The following PAK1IP1 variants were observed in gnomAD, a reference collection of about 807,000 sequenced individuals.
PAK1IP1 encodes PAK1 interacting protein 1, also known as p21-activated protein kinase-interacting protein 1.
In PAK1IP1, 24 loss-of-function variants were observed where a neutral mutation model predicts 42.0. The ratio of observed to expected loss-of-function variants is 0.57; its 90% CI spans 0.41 to 0.80. The LOEUF (loss-of-function observed/expected upper bound fraction) is 0.80, where lower values mean the gene tolerates loss of function less well. PAK1IP1 is among the 30% of genes least tolerant of loss of function. The pLI, the probability that PAK1IP1 is intolerant of heterozygous loss-of-function variation, is 0.00. For missense variants in PAK1IP1, 411 were observed against 467.9 expected, an observed-to-expected ratio of 0.88 and a Z score of 1.12; for synonymous variants, 154 against 156.7, an observed-to-expected ratio of 0.98 and a Z score of 0.13.
chr6:10,695,010 G>C lies in PAK1IP1; in HGVS notation c.25G>C (p.Glu9Gln), dbSNP rs371781516. The C allele has an allele frequency of 1.2e-6, 2 of 1,601,286 alleles. No individual in the cohort carries two copies. Among genetic ancestry groups the C allele is most frequent in the Admixed American group, 3.3e-5 (2 of 59,814 alleles). The change falls in exon 1 of 10, where the codon GAG (glutamate) becomes CAG (glutamine). Residue 9 changes from glutamate (E) to glutamine (Q), a missense_variant. Physicochemically the swap from Glu to Gln is conservative, Grantham distance 29 (BLOSUM62 2). Transcript: ENST00000379568. ...AATGGAGCTGGTCGCTGGTTGCTAC[G>C]AGCAGGTCCTCTTTGGGTTCGCTGT... MELVAGCY[E>Q]QVLFGFAVHP...
rs1770311469 is a variant in PAK1IP1, at chr6:10,709,392, GA to G, written c.1123del (p.Met375TrpfsTer2). ...ESGLISTKKR[K>X]MVEMLEKKRK... is the part of the protein sequence containing the mutation. Reference sequence around the variant, plus strand: ...GTGGCCTGATATCAACCAAGAAGAGGAAAATGGTAGAAATGTTGGAAAAGAA... The same window carrying G: ...GTGGCCTGATATCAACCAAGAAGAGGAAATGGTAGAAATGTTGGAAAAGAA... On this transcript the variant is annotated frameshift_variant, in exon 10 of 10. Coordinates refer to ENST00000379568, the MANE Select transcript of PAK1IP1 (RefSeq NM_017906.3). LOFTEE classifies it low-confidence loss of function (END_TRUNC). 1 of 1,612,690 alleles carries G rather than the reference GA, an allele frequency of 6.2e-7. No homozygotes were observed. Among genetic ancestry groups the G allele is most frequent in the Non-Finnish European group, 8.5e-7 (1 of 1,179,456 alleles).
At chr6:10,706,192 G>A (rs1046752675) in intron 7 of PAK1IP1, among the ~76,000 whole-genome samples, 1 of 151,996 alleles carries the variant, frequency 6.6e-6, no homozygotes, top group Non-Finnish European at 1.5e-5. Flanking sequence ...GATGATGAGG[G>A]AAGAAGATGT....
rs1235951252 is a variant in PAK1IP1, at chr6:10,704,630, T to A, written c.620T>A (p.Ile207Asn). Residue 207 changes from isoleucine (I) to asparagine (N), a missense_variant, in exon 6 of 10, where the codon ATT becomes AAT. Coordinates refer to ENST00000379568, the MANE Select transcript of PAK1IP1 (RefSeq NM_017906.3). ...GGCACCATCACAAATGAAAAGAGAA[T>A]TTCCTCTGTTAAATTTCTTTCAGTA... ...ISGTITNEKRISSVKFLSESV... is the reference protein window; with the variant it reads ...ISGTITNEKRNSSVKFLSESV... 6.2e-7 allele frequency: 1 copy of A among 1,612,140 alleles called. No individual in the cohort carries two copies. The highest frequency in any genetic ancestry group is 8.5e-7 in the Non-Finnish European group (1 of 1,178,772).
upstream of PAK1IP1, among the ~76,000 whole-genome samples, chr6:10,693,953 T>C (rs1769597936): frequency 2.0e-5 from 3 of 152,234 alleles, no homozygotes; most frequent in South Asian, 6.2e-4. Context: ...CACTTTGTTT[T>C]CCCAACTCTC....
At chr6:10,708,714 A>G (rs1156806914) in intron 8 of PAK1IP1, among the ~76,000 whole-genome samples, 2 of 150,630 alleles carry the variant, frequency 1.3e-5, no homozygotes, top group Non-Finnish European at 3.0e-5. Flanking sequence ...CTGGTGTGTG[A>G]TGTTCCCCTT....
At chr6:10,699,272 T>C (rs1359444045) in intron 2 of PAK1IP1, among the ~76,000 whole-genome samples, 1 of 141,826 alleles carries the variant, frequency 7.1e-6, no homozygotes, top group Non-Finnish European at 1.5e-5. Context: ...ATCTCTGAAA[T>C]ACAAAAGCAG....
intron 7 of PAK1IP1, 92 bp downstream of exon 7, chr6:10,704,936 C>T (rs1303500177): frequency 1.3e-6 from 1 of 791,440 alleles, no homozygotes; most frequent in African/African-American, 1.7e-5. Flanking sequence ...TTTTTATTAA[C>T]AACTGCAGAA....
chr6:10,691,643 G>A (rs1482054136), upstream of PAK1IP1, among the ~76,000 whole-genome samples: 1 of 151,860 alleles, frequency 6.6e-6, no homozygotes, highest in Non-Finnish European at 1.5e-5. Context: ...ACAATATGAG[G>A]GGTGGTCTCC....
At chr6:10,699,199 T>TA (rs1561891117) in intron 2 of PAK1IP1, among the ~76,000 whole-genome samples, 10 of 71,220 alleles carry the variant, frequency 1.4e-4, no homozygotes, top group East Asian at 1.1e-3. Context: ...AGACTCTGTC[T>TA]CAAAAAAAAA....
chr6:10,709,610 A>AAAG lies in PAK1IP1; in HGVS notation c.*160_*161insGAA, dbSNP rs1770321984. The AAAG allele has an allele frequency of 4.7e-6, 2 of 430,030 alleles. No homozygotes were observed. Among genetic ancestry groups the AAAG allele is most frequent in the African/African-American group, 4.3e-5 (2 of 46,672 alleles). The allele number at this position is 430,030 out of a possible 1,614,324, so 26.6% of individuals were successfully genotyped here. On this transcript the variant is annotated 3_prime_UTR_variant, in exon 10 of 10. Transcript: ENST00000379568. The stretch of plus-strand genomic sequence containing the variant: ...CTTTTAGATGGTTTTTTTTAAAAAA[A>AAAG]AAAAAAAAACTGGTAAAATTACTTT...
intron 8 of PAK1IP1, 25 bp downstream of exon 8, chr6:10,707,539 T>G: frequency 7.5e-7 from 1 of 1,328,922 alleles, no homozygotes; most frequent in Non-Finnish European, 1.1e-6. Context: ...ACAATCTAAA[T>G]GTACTTTAAT....
chr6:10,692,163 TTTAA>T (rs1322395841), upstream of PAK1IP1, among the ~76,000 whole-genome samples: 1 of 152,212 alleles, frequency 6.6e-6, no homozygotes, highest in African/African-American at 2.4e-5. Flanking sequence ...TTTAGCGGTT[TTTAA>T]TTTGTGGATG....
At position 10,697,337 on chromosome 6, in the gene PAK1IP1, T is replaced by A. The variant is rs1381378465; in HGVS notation, c.98T>A (p.Val33Glu). The change falls in exon 2 of 10, where the codon GTG becomes GAG. Residue 33 changes from valine (V) to glutamate (E), a missense_variant. Val to Glu is a moderately radical substitution (Grantham distance 121, BLOSUM62 -2). Coordinates refer to ENST00000379568, the MANE Select transcript of PAK1IP1 (RefSeq NM_017906.3). Reference sequence around the variant, plus strand: ...CATCTTCAGCAGCAATGGACTCTTGTGGCTGACTTCACTCACCATGCTCAC... The same window carrying A: ...CATCTTCAGCAGCAATGGACTCTTGAGGCTGACTTCACTCACCATGCTCAC... The part of the protein sequence containing the change: ...ACGDHEQWTL[V>E]ADFTHHAHTA... 2 of 1,613,744 alleles carry A rather than the reference T, an allele frequency of 1.2e-6. No individual in the cohort carries two copies. Among genetic ancestry groups the A allele is most frequent in the African/African-American group, 2.7e-5 (2 of 74,922 alleles).
rs1770297983 is a variant in PAK1IP1 at position 10,709,049 on chromosome 6, C to T, written c.937C>T (p.Leu313Phe). The T allele has an allele frequency of 6.2e-7, 1 of 1,613,426 alleles. No homozygotes were observed. The highest frequency in any genetic ancestry group is 1.3e-5 in the African/African-American group (1 of 74,910). The change falls in exon 9 of 10, where the codon CTT becomes TTT. Residue 313 changes from leucine to phenylalanine, a missense_variant. Leu to Phe is a conservative substitution (Grantham distance 22). Coordinates refer to ENST00000379568, the MANE Select transcript of PAK1IP1 (RefSeq NM_017906.3). ...CAAAGTGGCAGACATGAAAGAAAGCCTTCCTCCAGCTGCAGAGCCTTCTCC... is the reference window on the plus strand; with the variant it reads ...CAAAGTGGCAGACATGAAAGAAAGCTTTCCTCCAGCTGCAGAGCCTTCTCC... Reference protein sequence around the residue: ...LDKVADMKESLPPAAEPSPVS... With the variant: ...LDKVADMKESFPPAAEPSPVS...
At position 10,704,825 on chromosome 6, in the gene PAK1IP1, T is replaced by G; in HGVS notation, c.721T>G (p.Phe241Val). 6.2e-7 allele frequency: 1 copy of G among 1,610,702 alleles called. No homozygotes were observed. Among genetic ancestry groups the G allele is most frequent in the Non-Finnish European group, 8.5e-7 (1 of 1,176,820 alleles). ...TGATTCACTAGTGTGCCTCTGCGAA[T>G]TTAAAGCTCATGAAAACAGGTATTT... Reference protein sequence around the residue: ...DCDSLVCLCEFKAHENRVKDM... With the variant: ...DCDSLVCLCEVKAHENRVKDM... Residue 241 changes from phenylalanine to valine, a missense_variant, in exon 7 of 10, where the codon TTT becomes GTT. Transcript: ENST00000379568.
intron 1 of PAK1IP1, 57 bp downstream of exon 1, chr6:10,695,126 G>C: frequency 9.1e-7 from 1 of 1,101,908 alleles, no homozygotes; most frequent in Non-Finnish European, 1.4e-6. Flanking sequence ...GTCGGGTTTG[G>C]TTCCTACACA....
At chr6:10,706,852 A>G (rs991634118) in intron 7 of PAK1IP1, among the ~76,000 whole-genome samples, 51 of 151,318 alleles carry the variant, frequency 3.4e-4, no homozygotes, top group African/African-American at 1.1e-3. Flanking sequence ...AGATCCCACC[A>G]CCGCACTCCA....
upstream of PAK1IP1, among the ~76,000 whole-genome samples, chr6:10,692,428 C>T (rs747212236): frequency 6.6e-6 from 1 of 152,130 alleles, no homozygotes; most frequent in South Asian, 2.1e-4. Flanking sequence ...ATGAAGATAA[C>T]TAGCACAAAG....
upstream of PAK1IP1, among the ~76,000 whole-genome samples, chr6:10,691,182 A>G (rs369356777): frequency 6.6e-6 from 1 of 152,192 alleles, no homozygotes; most frequent in African/African-American, 2.4e-5. Flanking sequence ...GCTTACACTA[A>G]TCTTTTTGAA....
Sources: allele counts gnomAD v4.1 joint callset (sites outside exome capture counted in the v4.1 genomes callset), GRCh38; gene constraint gnomAD v4.1.1; transcripts MANE v1.5; gene names NCBI Gene and HGNC (gene_info 2026-07-23, HGNC 2026-07-21).